MACROD2: variants seen among roughly 807,000 people sequenced by gnomAD.
MACROD2 encodes mono-ADP ribosylhydrolase 2, also known as ADP-ribose glycohydrolase MACROD2.
A neutral mutation model predicts 70.4 loss-of-function variants in MACROD2; 36 were observed. That is an observed-to-expected ratio of 0.51 (90% CI 0.39 to 0.68). The LOEUF is 0.68. MACROD2 is among the 30% of genes least tolerant of loss of function. The probability of loss-of-function intolerance (pLI) is 0.00; values close to 1 mark genes in which losing one functional copy is unlikely to be tolerated. For missense variants in MACROD2, 496 were observed against 538.4 expected, an observed-to-expected ratio of 0.92 and a Z score of 0.78; for synonymous variants, 172 against 178.8, an observed-to-expected ratio of 0.96 and a Z score of 0.30.
chr20:14,824,677 A>G (rs1263953492), intron 5 of MACROD2, among the ~76,000 whole-genome samples: 1 of 152,092 alleles, frequency 6.6e-6, no homozygotes, highest in Admixed American at 6.6e-5. Flanking sequence ...CCAAGAGTAC[A>G]AGTCCCAGTG....
At chr20:15,825,303 A>G (rs2063984864) in intron 8 of MACROD2, among the ~76,000 whole-genome samples, 1 of 151,908 alleles carries the variant, frequency 6.6e-6, no homozygotes, top group South Asian at 2.1e-4. Context: ...CTCTTGAGAC[A>G]CTCCCTTCCA....
intron 3 of MACROD2, among the ~76,000 whole-genome samples, chr20:14,233,675 C>G (rs539472634): frequency 8.7e-6 from 1 of 114,398 alleles, no homozygotes; most frequent in Non-Finnish European, 1.6e-5. Context: ...CCCGCCTGGG[C>G]GACAGAGCGA....
At chr20:15,306,602 G>T (rs977634932) in intron 6 of MACROD2, among the ~76,000 whole-genome samples, 1 of 152,062 alleles carries the variant, frequency 6.6e-6, no homozygotes, top group African/African-American at 2.4e-5. Context: ...TTTTCTCAGG[G>T]TCTATTTTCT....
chr20:14,216,269 T>C (rs1390227640), intron 3 of MACROD2, among the ~76,000 whole-genome samples: 4 of 152,168 alleles, frequency 2.6e-5, no homozygotes, highest in Admixed American at 6.5e-5. Context: ...GGGTGTCCTT[T>C]CCCCACTTTA....
At chr20:14,644,968 A>G (rs1047845667) in intron 4 of MACROD2, among the ~76,000 whole-genome samples, 26 of 152,160 alleles carry the variant, frequency 1.7e-4, no homozygotes, top group African/African-American at 5.5e-4. Flanking sequence ...ATTCTGATGA[A>G]GACTTTACAC....
intron 7 of MACROD2, among the ~76,000 whole-genome samples, chr20:15,461,913 C>A (rs1441752759): frequency 2.0e-5 from 3 of 152,018 alleles, no homozygotes; most frequent in South Asian, 2.1e-4. Context: ...CTGTAGACTT[C>A]TTTGTGTAAA....
chr20:14,119,246 C>T (rs1221103292), intron 3 of MACROD2, among the ~76,000 whole-genome samples: 3 of 141,926 alleles, frequency 2.1e-5, no homozygotes, highest in Admixed American at 7.7e-5. Context: ...TGGCTCACTG[C>T]AACCTCCGCC....
At chr20:15,050,744 AG>A (rs1380419640) in intron 5 of MACROD2, among the ~76,000 whole-genome samples, 6 of 151,350 alleles carry the variant, frequency 4.0e-5, no homozygotes, top group African/African-American at 1.5e-4. Context: ...TTTTAAGCCT[AG>A]GTTGCTTTAA....
chr20:14,499,701 C>T (rs2084895031), intron 4 of MACROD2, among the ~76,000 whole-genome samples: 1 of 152,028 alleles, frequency 6.6e-6, no homozygotes, highest in Admixed American at 6.5e-5. Context: ...ACTGAGCCAA[C>T]CTACCTTTGC....
chr20:14,384,084 T>A (rs961537466), intron 3 of MACROD2, among the ~76,000 whole-genome samples: 2 of 152,124 alleles, frequency 1.3e-5, no homozygotes, highest in Non-Finnish European at 2.9e-5. Context: ...TAGTCTCACA[T>A]TAAGAGGATG....
chr20:14,550,557 G>A (rs1028476588), intron 4 of MACROD2, among the ~76,000 whole-genome samples: 1 of 152,142 alleles, frequency 6.6e-6, no homozygotes, highest in Non-Finnish European at 1.5e-5. Flanking sequence ...AAATCTGCCA[G>A]TGCCTTGAAC....
intron 5 of MACROD2, among the ~76,000 whole-genome samples, chr20:14,812,306 A>G (rs2072724332): frequency 6.6e-6 from 1 of 152,190 alleles, no homozygotes; most frequent in East Asian, 1.9e-4. Context: ...CATTCTCAGC[A>G]AACTAACACA....
chr20:14,046,720 T>G (rs2053481721), intron 2 of MACROD2, among the ~76,000 whole-genome samples: 1 of 59,834 alleles, frequency 1.7e-5, no homozygotes, highest in African/African-American at 4.4e-5. Flanking sequence ...TTCTCTTTTA[T>G]TTATTTATTT....
intron 3 of MACROD2, among the ~76,000 whole-genome samples, chr20:14,353,309 C>G (rs2083142123): frequency 6.6e-6 from 1 of 151,984 alleles, no homozygotes; most frequent in African/African-American, 2.4e-5. Flanking sequence ...TAATTAATAG[C>G]AATAATTACT....
chr20:14,503,362 C>T (rs1361736371), intron 4 of MACROD2, among the ~76,000 whole-genome samples: 1 of 152,110 alleles, frequency 6.6e-6, no homozygotes, highest in Non-Finnish European at 1.5e-5. Context: ...TAGTCTGGAG[C>T]CCTCTGAGGT....
At chr20:15,250,923 G>C (rs976203009) in intron 6 of MACROD2, among the ~76,000 whole-genome samples, 8 of 152,178 alleles carry the variant, frequency 5.3e-5, no homozygotes. Flanking sequence ...TTTGTAGAAT[G>C]AATGTAGAAT....
rs368425543 is a variant in MACROD2, at chr20:14,946,606, G to A, written c.418+261647G>A. Among the ~76,000 whole-genome samples, 36 of 152,116 alleles carry A rather than the reference G, an allele frequency of 2.4e-4. No homozygotes were observed. The South Asian group carries it at 7.3e-3, about 31-fold the overall frequency. ...GGATTTTTTCACTTTATGTTGAGAT[G>A]TTTTGTATGCTGAAATAAAAATATG... On this transcript the variant is annotated intron_variant, in intron 5 of 17. Transcript: ENST00000684519.
At chr20:15,226,458 A>G (rs2076907107) in intron 5 of MACROD2, among the ~76,000 whole-genome samples, 1 of 152,218 alleles carries the variant, frequency 6.6e-6, no homozygotes, top group African/African-American at 2.4e-5. Context: ...CATGTGCAAG[A>G]TAAAGCATTG....
intron 8 of MACROD2, among the ~76,000 whole-genome samples, chr20:15,783,806 CTGG>C (rs1324659818): frequency 6.6e-6 from 1 of 152,128 alleles, no homozygotes; most frequent in Non-Finnish European, 1.5e-5. Context: ...GTCCTCCAGA[CTGG>C]TGGAGTTTAC....
Sources: allele counts gnomAD v4.1 joint callset (sites outside exome capture counted in the v4.1 genomes callset), GRCh38; gene constraint gnomAD v4.1.1; transcripts MANE v1.5; gene names NCBI Gene and HGNC (gene_info 2026-07-23, HGNC 2026-07-21).